GPR158: variants seen among roughly 807,000 people sequenced by gnomAD.
The protein encoded by GPR158 is metabotropic glycine receptor.
In GPR158, 30 loss-of-function variants were observed where a neutral mutation model predicts 78.2. That is an observed-to-expected ratio of 0.38 (90% CI 0.29 to 0.52). The LOEUF (loss-of-function observed/expected upper bound fraction) is 0.52. Ranked by LOEUF, GPR158 falls within the 20% of genes least tolerant of loss-of-function variation. GPR158 has a pLI of 0.83. For synonymous variants in GPR158, 581 were observed against 591.1 expected (o/e 0.98, Z 0.25); for missense variants, 1,463 against 1,523.5 (o/e 0.96, Z 0.66).
chr10:25,463,262 C>A (rs1835379625), intron 4 of GPR158, among the ~76,000 whole-genome samples: 1 of 152,182 alleles, frequency 6.6e-6, no homozygotes, highest in East Asian at 1.9e-4. Flanking sequence ...CTATTGCATT[C>A]TTAATAGCCT....
At chr10:25,309,359 G>A (rs1179905310) in intron 2 of GPR158, among the ~76,000 whole-genome samples, 1 of 151,686 alleles carries the variant, frequency 6.6e-6, no homozygotes, top group Non-Finnish European at 1.5e-5. Flanking sequence ...ATCTTCTTTA[G>A]CAAAATATCT....
intron 6 of GPR158, 108 bp from the exon 7 acceptor site, chr10:25,572,541 T>TA: frequency 1.3e-6 from 1 of 775,636 alleles, no homozygotes. Context: ...AAACTCTGAT[T>TA]AGCTGGATTT....
At chr10:25,564,119 G>A (rs1166667939) in intron 6 of GPR158, among the ~76,000 whole-genome samples, 1 of 152,084 alleles carries the variant, frequency 6.6e-6, no homozygotes, top group Non-Finnish European at 1.5e-5. Context: ...GTAGTCAGCT[G>A]GTAATTCAAC....
intron 5 of GPR158, among the ~76,000 whole-genome samples, chr10:25,539,867 G>C (rs1836552894): frequency 6.6e-6 from 1 of 152,260 alleles, no homozygotes; most frequent in South Asian, 2.1e-4. Context: ...CCTATAGTAA[G>C]ATTTGAAGGA....
chr10:25,580,900 A>ATTT (rs1452302358), intron 7 of GPR158, among the ~76,000 whole-genome samples: 2 of 138,354 alleles, frequency 1.4e-5, no homozygotes, highest in African/African-American at 6.0e-5. Context: ...TAATTTTTTT[A>ATTT]TTTTTTTATT....
chr10:25,593,731 T>C (rs1472514330), intron 8 of GPR158, among the ~76,000 whole-genome samples: 1 of 152,088 alleles, frequency 6.6e-6, no homozygotes, highest in African/African-American at 2.4e-5. Flanking sequence ...TTTTAGACAA[T>C]TTGATAATTT....
At chr10:25,530,732 T>G (rs1836412401) in intron 5 of GPR158, among the ~76,000 whole-genome samples, 1 of 152,236 alleles carries the variant, frequency 6.6e-6, no homozygotes, top group Non-Finnish European at 1.5e-5. Flanking sequence ...TAAGACATCT[T>G]TAGAGGAAGT....
chr10:25,546,214 T>C (rs985743831), intron 5 of GPR158, among the ~76,000 whole-genome samples: 3 of 152,126 alleles, frequency 2.0e-5, no homozygotes, highest in Non-Finnish European at 4.4e-5. Flanking sequence ...GGTGTGTCTA[T>C]ACTTGCAAAA....
intron 2 of GPR158, among the ~76,000 whole-genome samples, chr10:25,241,133 C>CTTTCTT (rs1231345713): frequency 5.8e-5 from 2 of 34,714 alleles, no homozygotes; most frequent in South Asian, 1.7e-3. Flanking sequence ...GATTTTCTTT[C>CTTTCTT]TTTCTTTCTT....
chr10:25,395,853 C>A, intron 2 of GPR158, 58 bp from the exon 3 acceptor site: 1 of 805,002 alleles, frequency 1.2e-6, no homozygotes, highest in Non-Finnish European at 2.2e-6. Context: ...TATCTGCGAG[C>A]CTTTATACCA....
intron 5 of GPR158, among the ~76,000 whole-genome samples, chr10:25,549,850 C>T (rs1194473751): frequency 6.6e-6 from 1 of 151,970 alleles, no homozygotes; most frequent in East Asian, 1.9e-4. Context: ...ACCCCATGGC[C>T]CCCAGCAATA....
chr10:25,354,425 G>GA (rs1338693858), intron 2 of GPR158, among the ~76,000 whole-genome samples: 3 of 150,864 alleles, frequency 2.0e-5, no homozygotes, highest in Non-Finnish European at 3.0e-5. Flanking sequence ...AGCAAACTAA[G>GA]AAAAAAATGA....
chr10:25,272,188 T>C (rs1854125634), intron 2 of GPR158, among the ~76,000 whole-genome samples: 1 of 152,172 alleles, frequency 6.6e-6, no homozygotes, highest in Admixed American at 6.5e-5. Context: ...ATTAATGTAA[T>C]TCAGTAATGT....
intron 2 of GPR158, among the ~76,000 whole-genome samples, chr10:25,277,760 G>GA (rs1854205590): frequency 6.6e-6 from 1 of 152,220 alleles, no homozygotes; most frequent in African/African-American, 2.4e-5. Context: ...AAATAGCCCA[G>GA]AAAAAACTTC....
At chr10:25,267,859 T>G (rs1854063937) in intron 2 of GPR158, among the ~76,000 whole-genome samples, 2 of 152,176 alleles carry the variant, frequency 1.3e-5, no homozygotes. Context: ...TATTGTTTAT[T>G]AAATGTTATT....
Position 25,176,260 on chromosome 10 carries a change from G to A in GPR158, c.840G>A (p.Gly280=). ...GCGAGAACGGGAGTTACAAGCCCGG[G>A]TGGCTGGTTACTCTTTCCTCTGCCA... ...LECENGSYKP[G]WLVTLSSAIY... is the part of the protein sequence containing the mutation. The change falls in exon 1 of 11, where the codon GGG becomes GGA. Residue 280 remains glycine, a synonymous_variant. Coordinates refer to ENST00000376351, the MANE Select transcript of GPR158 (RefSeq NM_020752.3). This position sits in a 1 kb window ranked among gnomAD's most constrained non-coding sequence, Gnocchi z 6.3. 2 of 1,610,186 alleles carry A rather than the reference G, an allele frequency of 1.2e-6. No individual in the cohort carries two copies. The highest frequency in any genetic ancestry group is 1.7e-6 in the Non-Finnish European group (2 of 1,178,912).
rs1835953080 is a variant in GPR158, at chr10:25,502,305, G to C, written c.1404+35586G>C. On this transcript the variant is annotated intron_variant, in intron 5 of 10. Coordinates refer to ENST00000376351, the MANE Select transcript of GPR158 (RefSeq NM_020752.3). Reference sequence around the variant, plus strand: ...ATCAACCACCCTCCCTAGGACCCGTGACAGGGGAGAAAACTTTCATGTACT... The same window carrying C: ...ATCAACCACCCTCCCTAGGACCCGTCACAGGGGAGAAAACTTTCATGTACT... Among the ~76,000 whole-genome samples, 3 of 152,142 alleles carry C rather than the reference G, an allele frequency of 2.0e-5. No individual in the cohort carries two copies. The South Asian group carries it at 6.2e-4, about 31-fold the overall frequency.
intron 2 of GPR158, among the ~76,000 whole-genome samples, chr10:25,241,346 T>A (rs1427461235): frequency 7.6e-6 from 1 of 132,420 alleles, no homozygotes; most frequent in East Asian, 2.3e-4. Context: ...CTTTTCTCTT[T>A]TCTCTTTTCT....
Position 25,563,759 on chromosome 10 carries a change from A to G in GPR158, c.1515-8890A>G, listed in dbSNP as rs149487213. Among the ~76,000 whole-genome samples, 568 of 152,020 alleles carry G rather than the reference A, an allele frequency of 3.7e-3. 7 individuals carry two copies. Among genetic ancestry groups the G allele is most frequent in the South Asian group, 0.013 (64 of 4,806 alleles). ...TTTTATTGTTGCAAATTATATCTTT[A>G]AGCATTATGAACTCATTAACACAGA... On this transcript the variant is annotated intron_variant, in intron 6 of 10. Transcript: ENST00000376351.
Sources: allele counts gnomAD v4.1 joint callset (sites outside exome capture counted in the v4.1 genomes callset), GRCh38; gene constraint gnomAD v4.1.1; non-coding constraint Gnocchi (gnomAD v3.1); transcripts MANE v1.5; gene names NCBI Gene and HGNC (gene_info 2026-07-23, HGNC 2026-07-21).